Variants in TCL1A observed in about 807,000 individuals in gnomAD.
TCL1A encodes TCL1 family AKT coactivator A, also known as T-cell leukemia/lymphoma protein 1A.
Under a neutral mutation model 16.9 loss-of-function variants are expected in TCL1A, and 9 were observed. That is an observed-to-expected ratio of 0.53 (90% confidence interval 0.32 to 0.93). TCL1A has a LOEUF of 0.93. TCL1A is among the 40% of genes least tolerant of loss of function. TCL1A has a pLI of 0.04. For synonymous variants in TCL1A, 69 were observed against 63.2 expected, an observed-to-expected ratio of 1.09 and a Z score of -0.44; for missense variants, 139 against 153.0, an observed-to-expected ratio of 0.91 and a Z score of 0.48.
chr14:95,713,754 G>T (rs777254113), intron 1 of TCL1A, among the ~76,000 whole-genome samples, 193 bp downstream of exon 1: 7 of 152,096 alleles, frequency 4.6e-5, no homozygotes, highest in Middle Eastern at 3.4e-3. Context: ...ATTCCTTTGC[G>T]GTTTTCCCAC....
intron 3 of TCL1A, chr14:95,711,527 T>C (rs547903922): frequency 5.6e-6 from 3 of 531,818 alleles, no homozygotes; most frequent in South Asian, 5.4e-5. Flanking sequence ...AAGTACTTTA[T>C]AGATATGAGC....
In TCL1A at chr14:95,710,151, G is replaced by C. The variant is rs1017591531; in HGVS notation, c.*737C>G. On this transcript the variant is annotated 3_prime_UTR_variant, in exon 4 of 4. Coordinates refer to ENST00000402399, the MANE Select transcript of TCL1A (RefSeq NM_021966.3). ...CCAGGTGCGTGACCATCTATAAAAG[G>C]GGGGAAACCCAACCTCTATCCCTTT... The C allele has an allele frequency of 6.6e-6, 1 of 152,170 alleles. No homozygotes were observed. The allele number at this position is 152,170 out of a possible 1,614,324, so 9.4% of individuals were successfully genotyped here. A position where few individuals can be genotyped will look rare whatever the true frequency, so the allele number is the denominator to read the frequency against.
chr14:95,713,025 A>T (rs2139721817), intron 1 of TCL1A, among the ~76,000 whole-genome samples: 1 of 152,362 alleles, frequency 6.6e-6, no homozygotes, highest in African/African-American at 2.4e-5. Flanking sequence ...ATTTTAAAAA[A>T]GTAAGTATTT....
chr14:95,712,031 G>T (rs1886369967), intron 2 of TCL1A, 189 bp downstream of exon 2: 2 of 882,698 alleles, frequency 2.3e-6, no homozygotes, highest in Admixed American at 2.4e-5. Context: ...TGGAGGTAGG[G>T]TTCTGTTAGA....
chr14:95,712,909 G>T (rs1826467127), intron 1 of TCL1A: 1 of 213,568 alleles, frequency 4.7e-6, no homozygotes, highest in African/African-American at 2.3e-5. Context: ...ATGATTTTAT[G>T]AAAAACTGTC....
intron 1 of TCL1A, among the ~76,000 whole-genome samples, chr14:95,713,642 T>C (rs75675056): frequency 1.3e-5 from 2 of 152,186 alleles, no homozygotes; most frequent in East Asian, 1.9e-4. Flanking sequence ...CACTTAGAGA[T>C]ACCCATTTTT....
In TCL1A at chr14:95,713,972, T is replaced by A. The variant is rs763542286; in HGVS notation, c.95A>T (p.His32Leu). The A allele has an allele frequency of 6.2e-7, 1 of 1,614,028 alleles. No individual in the cohort carries two copies. The change falls in exon 1 of 4, where the codon CAC becomes CTC. Residue 32 changes from histidine (H) to leucine (L), a missense_variant. By Grantham distance (99) the His-to-Leu change is moderately conservative. Transcript: ENST00000402399. ...CTCGATGGTTAAGGGCAGCCAGGCG[T>A]GCTGCTTCTCGTCCAAATACACGAA... The part of the protein sequence containing the change: ...EKFVYLDEKQ[H>L]AWLPLTIEIK...
At chr14:95,712,742 G>A in intron 1 of TCL1A, 4 of 1,230,516 alleles carry the variant, frequency 3.3e-6, no homozygotes, top group Non-Finnish European at 4.3e-6. Flanking sequence ...AGGAGTTTAA[G>A]ACCAGCCTGG....
intron 1 of TCL1A, among the ~76,000 whole-genome samples, chr14:95,713,292 A>G (rs891817939): frequency 1.3e-5 from 2 of 152,336 alleles, no homozygotes; most frequent in Admixed American, 1.3e-4. Flanking sequence ...ATGTTTGGAG[A>G]GAGTTTGAAC....
chr14:95,712,739 T>G, intron 1 of TCL1A: 1 of 1,257,232 alleles, frequency 8.0e-7, no homozygotes, highest in Non-Finnish European at 1.0e-6. Context: ...GCCAGGAGTT[T>G]AAGACCAGCC....
chr14:95,713,842 CT>C, intron 1 of TCL1A, 104 bp downstream of exon 1: 1 of 1,528,452 alleles, frequency 6.5e-7, no homozygotes, highest in Non-Finnish European at 8.8e-7. Context: ...GGGATCCTCC[CT>C]GCCCCATAGT....
intron 2 of TCL1A, 103 bp from the exon 3 acceptor site, chr14:95,711,905 A>G (rs1034373246): frequency 3.4e-6 from 5 of 1,464,270 alleles, no homozygotes; most frequent in East Asian, 4.7e-5. Context: ...GCAGGTAGGA[A>G]CCCAGGTGTG....
At position 95,713,945 on chromosome 14, in the gene TCL1A, A is replaced by C. The variant is rs199936672; in HGVS notation, c.120+2T>G. 1 of 1,613,386 alleles carries C rather than the reference A, an allele frequency of 6.2e-7. No individual in the cohort carries two copies. The highest frequency in any genetic ancestry group is 2.2e-5 in the East Asian group (1 of 44,854). On this transcript the variant is annotated splice_donor_variant, in intron 1 of 3. Transcript: ENST00000402399. LOFTEE classifies it high-confidence loss of function. The stretch of plus-strand genomic sequence containing the variant: ...CGCCATCCGCTCCAAAGCTGGCTGT[A>C]CCTCGATGGTTAAGGGCAGCCAGGC...
Position 95,712,212 on chromosome 14 carries a change from A to C in TCL1A, c.297+8T>G. On this transcript the variant is annotated splice_region_variant and intron_variant, in intron 2 of 3. Transcript: ENST00000402399. ...CACCCGATGGACCTCTGGGAGAAAG[A>C]CACTCACCTTGATGTGGTACACTAA... The C allele has an allele frequency of 6.2e-7, 1 of 1,614,158 alleles. No individual in the cohort carries two copies. The highest frequency in any genetic ancestry group is 8.5e-7 in the Non-Finnish European group (1 of 1,180,036).
At chr14:95,713,107 T>G (rs1040617344) in intron 1 of TCL1A, among the ~76,000 whole-genome samples, 5 of 152,224 alleles carry the variant, frequency 3.3e-5, no homozygotes, top group East Asian at 3.8e-4. Context: ...TTGTGGTGGT[T>G]AAGAGCCTAG....
Position 95,714,013 on chromosome 14 carries a change from C to G in TCL1A, c.54G>C (p.Leu18=). 6.2e-7 allele frequency: 1 copy of G among 1,614,144 alleles called. No individual in the cohort carries two copies. Among genetic ancestry groups the G allele is most frequent in the Non-Finnish European group, 8.5e-7 (1 of 1,180,030 alleles). Residue 18 remains leucine, a synonymous_variant, in exon 1 of 4, where the codon CTG becomes CTC. Transcript: ENST00000402399. ...GEAVTDHPDR[L]WAWEKFVYLD... ...AATACACGAACTTCTCCCAGGCCCA[C>G]AGGCGGTCCGGGTGGTCGGTGACTG...
At chr14:95,711,715 G>A in intron 3 of TCL1A, 34 bp downstream of exon 3, 1 of 1,609,574 alleles carries the variant, frequency 6.2e-7, no homozygotes, top group East Asian at 2.2e-5. Flanking sequence ...CAGCCACTGT[G>A]GACTAAGAGG....
At chr14:95,713,336 A>G (rs1204389349) in intron 1 of TCL1A, among the ~76,000 whole-genome samples, 2 of 152,388 alleles carry the variant, frequency 1.3e-5, no homozygotes, top group Admixed American at 6.5e-5. Context: ...GTAAATCCAA[A>G]TACTTGTAAA....
intron 1 of TCL1A, among the ~76,000 whole-genome samples, chr14:95,713,495 G>T (rs2139722914): frequency 6.6e-6 from 1 of 152,252 alleles, no homozygotes; most frequent in South Asian, 2.1e-4. Flanking sequence ...AAGCCCAGAG[G>T]TAGTGGAAAA....
Sources: allele counts gnomAD v4.1 joint callset (sites outside exome capture counted in the v4.1 genomes callset), GRCh38; gene constraint gnomAD v4.1.1; transcripts MANE v1.5; gene names NCBI Gene and HGNC (gene_info 2026-07-23, HGNC 2026-07-21).